NRG3: variants seen among roughly 807,000 people sequenced by gnomAD.
NRG3 encodes the protein pro-neuregulin-3, membrane-bound isoform.
In NRG3, 31 loss-of-function variants were observed where a neutral mutation model predicts 66.9. The observed-to-expected ratio is 0.46, with a 90% CI of 0.35 to 0.63. The LOEUF (loss-of-function observed/expected upper bound fraction) is 0.63, where lower values mean the gene tolerates loss of function less well. NRG3 is among the 20% of genes least tolerant of loss of function. The pLI, the probability that NRG3 is intolerant of heterozygous loss-of-function variation, is 0.00. For missense variants in NRG3, 910 were observed against 878.9 expected, an observed-to-expected ratio of 1.04 and a Z score of -0.45; for synonymous variants, 393 against 359.4, an observed-to-expected ratio of 1.09 and a Z score of -1.06.
intron 1 of NRG3, among the ~76,000 whole-genome samples, chr10:82,141,967 G>A (rs570288848): frequency 1.3e-5 from 2 of 152,138 alleles, no homozygotes; most frequent in Admixed American, 6.6e-5. Context: ...CCCAGCCAAA[G>A]GTTCTCACAT....
intron 3 of NRG3, among the ~76,000 whole-genome samples, chr10:82,787,600 C>T (rs1009759310): frequency 1.3e-5 from 2 of 152,102 alleles, no homozygotes; most frequent in African/African-American, 4.8e-5. Flanking sequence ...AACAGATCCC[C>T]GTCCCCATGG....
intron 1 of NRG3, among the ~76,000 whole-genome samples, chr10:82,082,966 G>A (rs2065479591): frequency 6.6e-6 from 1 of 150,742 alleles, no homozygotes. Context: ...TTTCAGACGG[G>A]GTCTTGCTTT....
intron 2 of NRG3, among the ~76,000 whole-genome samples, chr10:82,432,518 G>A (rs1351771838): frequency 6.8e-6 from 1 of 147,700 alleles, no homozygotes; most frequent in East Asian, 2.0e-4. Flanking sequence ...AAAAAAACAG[G>A]ATACATGTGC....
At chr10:82,097,418 A>ATC (rs1284066313) in intron 1 of NRG3, among the ~76,000 whole-genome samples, 5 of 79,878 alleles carry the variant, frequency 6.3e-5, no homozygotes, top group Non-Finnish European at 9.8e-5. Flanking sequence ...ATATATATAT[A>ATC]TCTGTAATAT....
At position 82,544,910 on chromosome 10, in the gene NRG3, C is replaced by T. The variant is rs139743036; in HGVS notation, c.953+186042C>T. Reference sequence around the variant, plus strand: ...AGCTTCAATATTACTTTCGTACCTACCAGCTTCCATTTTCAGCATTACCTT... The same window carrying T: ...AGCTTCAATATTACTTTCGTACCTATCAGCTTCCATTTTCAGCATTACCTT... On this transcript the variant is annotated intron_variant, in intron 2 of 8. Coordinates refer to ENST00000372141, the MANE Select transcript of NRG3 (RefSeq NM_001010848.4). Among the ~76,000 whole-genome samples the T allele has an allele frequency of 4.6e-3, 704 of 152,306 alleles. 15 individuals carry two copies. The highest frequency in any genetic ancestry group is 0.034 in the Admixed American group (519 of 15,294).
chr10:82,215,656 A>G (rs1449198455), intron 1 of NRG3, among the ~76,000 whole-genome samples: 1 of 150,016 alleles, frequency 6.7e-6, no homozygotes, highest in Non-Finnish European at 1.5e-5. Flanking sequence ...TTCCAGTATT[A>G]TACATCCCAA....
Position 82,670,454 on chromosome 10 carries a change from C to T in NRG3, c.954-68123C>T, listed in dbSNP as rs190359089. Among the ~76,000 whole-genome samples, 38 of 152,160 alleles carry T rather than the reference C, an allele frequency of 2.5e-4. No homozygotes were observed. The East Asian group carries it at 7.4e-3, about 30-fold the overall frequency. On this transcript the variant is annotated intron_variant, in intron 2 of 8. Transcript: ENST00000372141. ...AGCTCAGTCACGCTTATTATTCAGT[C>T]CTATATCATTTTTCTACACCCAAAT...
At chr10:81,958,492 A>G (rs908695592) in intron 1 of NRG3, among the ~76,000 whole-genome samples, 1 of 152,244 alleles carries the variant, frequency 6.6e-6, no homozygotes, top group African/African-American at 2.4e-5. Context: ...CAAGGAATTT[A>G]GTGGGTGAAT....
intron 1 of NRG3, among the ~76,000 whole-genome samples, chr10:82,301,145 TG>T (rs1161109522): frequency 6.6e-6 from 1 of 152,208 alleles, no homozygotes; most frequent in African/African-American, 2.4e-5. Flanking sequence ...TGACATCTGT[TG>T]AAATAAAAGT....
chr10:82,976,784 C>T (rs1852298636), intron 7 of NRG3, among the ~76,000 whole-genome samples: 1 of 152,150 alleles, frequency 6.6e-6, no homozygotes, highest in African/African-American at 2.4e-5. Flanking sequence ...TTCCTCCCTG[C>T]TTGGTTGCCT....
intron 4 of NRG3, among the ~76,000 whole-genome samples, chr10:82,945,709 C>T (rs1848956062): frequency 6.6e-6 from 1 of 152,162 alleles, no homozygotes; most frequent in Admixed American, 6.5e-5. Flanking sequence ...GTATTAATCC[C>T]TTCATGAGTG....
chr10:82,392,257 G>T (rs543960639), intron 2 of NRG3, among the ~76,000 whole-genome samples: 1 of 152,086 alleles, frequency 6.6e-6, no homozygotes, highest in South Asian at 2.1e-4. Context: ...GTGATAAAGC[G>T]AGAAATAATA....
intron 3 of NRG3, among the ~76,000 whole-genome samples, chr10:82,853,692 AT>A (rs976414853): frequency 1.3e-5 from 2 of 152,224 alleles, no homozygotes; most frequent in Admixed American, 1.3e-4. Context: ...AGTTCTAGGC[AT>A]TTTTTGGATG....
intron 1 of NRG3, among the ~76,000 whole-genome samples, chr10:82,019,367 T>G (rs1483771116): frequency 1.3e-5 from 2 of 152,252 alleles, no homozygotes; most frequent in Non-Finnish European, 2.9e-5. Flanking sequence ...TTTGCATCAA[T>G]GTTCATCTGG....
At chr10:82,015,534 T>C (rs2061750648) in intron 1 of NRG3, among the ~76,000 whole-genome samples, 1 of 152,012 alleles carries the variant, frequency 6.6e-6, no homozygotes, top group African/African-American at 2.4e-5. Context: ...TGGGGGTGGT[T>C]TCCCCCATGC....
At chr10:82,295,620 G>T (rs1442084253) in intron 1 of NRG3, among the ~76,000 whole-genome samples, 1 of 152,086 alleles carries the variant, frequency 6.6e-6, no homozygotes, top group Admixed American at 6.6e-5. Context: ...GAAAAATAAA[G>T]AAAATTCTTT....
chr10:82,726,485 G>A (rs898346937), intron 2 of NRG3, among the ~76,000 whole-genome samples: 1 of 152,076 alleles, frequency 6.6e-6, no homozygotes. Flanking sequence ...TTTATAAATG[G>A]GAGTTGCCCT....
At chr10:81,880,089 G>T (rs1401151683) in intron 1 of NRG3, among the ~76,000 whole-genome samples, 2 of 152,016 alleles carry the variant, frequency 1.3e-5, no homozygotes, top group Non-Finnish European at 2.9e-5. Context: ...CTTAATTCAG[G>T]ATTATGAGAC....
chr10:82,383,333 G>A (rs1182629163), intron 2 of NRG3, among the ~76,000 whole-genome samples: 7 of 151,534 alleles, frequency 4.6e-5, no homozygotes, highest in Non-Finnish European at 2.9e-5. Flanking sequence ...CCAAATGAGT[G>A]CATTTAGTAG....
Sources: allele counts gnomAD v4.1 joint callset (sites outside exome capture counted in the v4.1 genomes callset), GRCh38; gene constraint gnomAD v4.1.1; transcripts MANE v1.5; gene names NCBI Gene and HGNC (gene_info 2026-07-23, HGNC 2026-07-21).